The following LGALS8 variants were observed in gnomAD, a reference collection of about 807,000 sequenced individuals.
The protein encoded by LGALS8 is galectin-8.
A neutral mutation model predicts 35.9 loss-of-function variants in LGALS8; 30 were observed. The ratio of observed to expected loss-of-function variants is 0.83; its 90% confidence interval spans 0.62 to 1.13. The LOEUF is 1.13. LGALS8 is among the 50% of genes most tolerant of loss of function. The pLI, the probability that LGALS8 is intolerant of heterozygous loss-of-function variation, is 0.00. For synonymous variants in LGALS8, 138 were observed against 136.1 expected (o/e 1.01, Z -0.10); for missense variants, 366 against 388.7 (o/e 0.94, Z 0.49).
At chr1:236,528,486 C>T (rs1364063828) in intron 2 of LGALS8, among the ~76,000 whole-genome samples, 2 of 143,308 alleles carry the variant, frequency 1.4e-5, no homozygotes, top group Non-Finnish European at 3.1e-5. Context: ...CTGTTGTATT[C>T]TTTATTAGGC....
At position 236,548,112 on chromosome 1, in the gene LGALS8, C is replaced by T. The variant is rs774727015; in HGVS notation, c.905C>T (p.Thr302Met). Reference sequence around the variant, plus strand: ...TTTAAAGAGCTCAGCAGTATTGACACGCTGGAAATTAATGGAGACATCCAC... The same window carrying T: ...TTTAAAGAGCTCAGCAGTATTGACATGCTGGAAATTAATGGAGACATCCAC... The part of the protein sequence containing the change: ...HRFKELSSID[T>M]LEINGDIHLL... Residue 302 changes from threonine (T) to methionine (M), a missense_variant, in exon 10 of 10, where the codon ACG becomes ATG. Physicochemically the swap from Thr to Met is moderately conservative, Grantham distance 81 (BLOSUM62 -1). Transcript: ENST00000366584. The T allele has an allele frequency of 4.9e-5, 79 of 1,613,896 alleles. No homozygotes were observed. The highest frequency in any genetic ancestry group is 3.3e-4 in the Middle Eastern group (2 of 6,062).
chr1:236,542,681 TCAGCACAAC>T (rs1416141328), intron 6 of LGALS8, 71 bp from the exon 7 acceptor site: 1 of 1,499,402 alleles, frequency 6.7e-7, no homozygotes, highest in Admixed American at 1.7e-5. Flanking sequence ...CAGGCTCAGC[TCAGCACAAC>T]CAAGACTTCA....
chr1:236,541,790 TG>T, intron 6 of LGALS8, 80 bp downstream of exon 6: 3 of 714,078 alleles, frequency 4.2e-6, no homozygotes, highest in Non-Finnish European at 6.8e-6. Flanking sequence ...GCAAGAAGGC[TG>T]GGTTTTTGAA....
rs184098994 is a variant in LGALS8 at position 236,548,524 on chromosome 1, T to C, written c.*363T>C. On this transcript the variant is annotated 3_prime_UTR_variant, in exon 10 of 10. Coordinates refer to ENST00000366584, the MANE Select transcript of LGALS8 (RefSeq NM_201544.4). Reference sequence around the variant, plus strand: ...TAAAACTGTGAAGAGCTAGGATATATACTTGGTGAAACAAACCAGTATGTT... The same window carrying C: ...TAAAACTGTGAAGAGCTAGGATATACACTTGGTGAAACAAACCAGTATGTT... 10 of 258,500 alleles carry C rather than the reference T, an allele frequency of 3.9e-5. No homozygotes were observed. In the East Asian group the frequency reaches 6.2e-4, roughly 16 times the overall value. The allele number at this position is 258,500 out of a possible 1,614,324, so 16.0% of individuals were successfully genotyped here. A position where few individuals can be genotyped will look rare whatever the true frequency, so the allele number is the denominator to read the frequency against.
upstream of LGALS8, among the ~76,000 whole-genome samples, chr1:236,519,364 C>T (rs976061486): frequency 6.6e-6 from 1 of 151,132 alleles, no homozygotes; most frequent in African/African-American, 2.4e-5. Context: ...ACACTCCAGC[C>T]TGGGTAATAG....
At chr1:236,542,624 G>T (rs1188928049) in intron 6 of LGALS8, 137 bp from the exon 7 acceptor site, 2 of 837,384 alleles carry the variant, frequency 2.4e-6, no homozygotes, top group Middle Eastern at 3.3e-4. Context: ...AGCACCAGCT[G>T]CCTGGAGGTC....
chr1:236,524,546 C>CTGCA, intron 1 of LGALS8: 1 of 413,346 alleles, frequency 2.4e-6, no homozygotes, highest in Non-Finnish European at 5.0e-6. Flanking sequence ...AGTCATTTGA[C>CTGCA]TGCAGTGTTA....
intron 2 of LGALS8, among the ~76,000 whole-genome samples, chr1:236,532,365 C>T (rs376466196): frequency 4.6e-5 from 7 of 152,270 alleles, no homozygotes; most frequent in Admixed American, 2.6e-4. Flanking sequence ...TCCTGCTTTT[C>T]GATTTCTTTA....
intron 2 of LGALS8, among the ~76,000 whole-genome samples, chr1:236,529,622 G>T (rs867874680): frequency 5.0e-4 from 57 of 114,682 alleles, no homozygotes; most frequent in African/African-American, 1.6e-3. Flanking sequence ...TTCCTTTTCT[G>T]TTTTTTTTTT....
intron 8 of LGALS8, among the ~76,000 whole-genome samples, 176 bp from the exon 9 acceptor site, chr1:236,544,574 G>A (rs993540079): frequency 6.6e-6 from 1 of 152,094 alleles, no homozygotes; most frequent in African/African-American, 2.4e-5. Context: ...CGAATTAGTG[G>A]AATGCTGACT....
upstream of LGALS8, among the ~76,000 whole-genome samples, chr1:236,522,726 A>G (rs1200792018): frequency 6.6e-6 from 1 of 152,258 alleles, no homozygotes; most frequent in Non-Finnish European, 1.5e-5. Context: ...TTGGATAGAT[A>G]AAACACACAA....
intron 1 of LGALS8, chr1:236,524,473 T>C: frequency 2.2e-6 from 1 of 456,272 alleles, no homozygotes; most frequent in Non-Finnish European, 4.4e-6. Flanking sequence ...TCCCGGAATT[T>C]GTAGTGACAG....
In LGALS8 at chr1:236,551,802, G is replaced by T; in HGVS notation, c.*3641G>T. ...CAAATGATCAGGAGGTGGTCACTTC[G>T]CAACTTGCTCCCTCCACCCAACTCA... On this transcript the variant is annotated 3_prime_UTR_variant, in exon 10 of 10. Transcript: ENST00000366584. 1 of 535,460 alleles carries T rather than the reference G, an allele frequency of 1.9e-6. No individual in the cohort carries two copies. Among genetic ancestry groups the T allele is most frequent in the Non-Finnish European group, 3.3e-6 (1 of 301,014 alleles). The allele number at this position is 535,460 out of a possible 1,614,324, so 33.2% of individuals were successfully genotyped here. A position where few individuals can be genotyped will look rare whatever the true frequency, so the allele number is the denominator to read the frequency against.
chr1:236,518,896 A>C (rs1458952286), upstream of LGALS8, among the ~76,000 whole-genome samples: 1 of 152,190 alleles, frequency 6.6e-6, no homozygotes, highest in Non-Finnish European at 1.5e-5. Context: ...CAACAAAACA[A>C]TAAGCAAAAT....
chr1:236,537,116 G>A (rs973407997), intron 2 of LGALS8, among the ~76,000 whole-genome samples: 7 of 149,724 alleles, frequency 4.7e-5, no homozygotes, highest in African/African-American at 7.4e-5. Context: ...TCCCAGGTTC[G>A]TGCCATTCTC....
rs149558072 is a variant in LGALS8, at chr1:236,538,701, T to C, written c.135-178T>C. ...AGACCCAGTTCAAACTCAGGGGCTA[T>C]TTTACTGAGGAAGACAGAAAAGATT... On this transcript the variant is annotated intron_variant, in intron 3 of 9. Transcript: ENST00000366584. 2.4e-3 allele frequency among the ~76,000 whole-genome samples: 364 copies of C among 152,328 alleles called. 2 individuals are homozygous for C. Among genetic ancestry groups the C allele is most frequent in the Non-Finnish European group, 2.4e-3 (165 of 68,030 alleles).
At chr1:236,539,275 C>G in intron 4 of LGALS8, 186 bp downstream of exon 4, 1 of 590,260 alleles carries the variant, frequency 1.7e-6, no homozygotes, top group Non-Finnish European at 3.1e-6. Context: ...CCACTACTCT[C>G]CAGCCAGTTG....
rs531484711 is a variant in LGALS8, at chr1:236,543,705, T to C, written c.638+57T>C. On this transcript the variant is annotated intron_variant, in intron 8 of 9. Transcript: ENST00000366584. ...GATACTTCCGTGCCTGTTACCGCCT[T>C]CCACCCGTGAACGGTCCTGTGAGCT... The C allele has an allele frequency of 1.4e-5, 18 of 1,278,744 alleles. No individual in the cohort carries two copies. In the African/African-American group the frequency reaches 2.6e-4, roughly 19 times the overall value. 79.2% of individuals were successfully genotyped at this position (1,278,744 alleles called of 1,614,324 possible).
intron 9 of LGALS8, among the ~76,000 whole-genome samples, chr1:236,546,768 A>G (rs903356051): frequency 6.6e-6 from 1 of 152,254 alleles, no homozygotes; most frequent in East Asian, 1.9e-4. Flanking sequence ...CTTCTGAGCT[A>G]TAGCATCAGG....
Sources: allele counts gnomAD v4.1 joint callset (sites outside exome capture counted in the v4.1 genomes callset), GRCh38; gene constraint gnomAD v4.1.1; transcripts MANE v1.5; gene names NCBI Gene and HGNC (gene_info 2026-07-23, HGNC 2026-07-21).